CFAP210: variants seen among roughly 807,000 people sequenced by gnomAD.
CFAP210 encodes the protein cilia- and flagella- associated protein 210.
chr2:169,646,191 G>A, the CFAP210 span: 1 of 1,581,472 alleles, frequency 6.3e-7, no homozygotes, highest in Non-Finnish European at 8.6e-7. Context: ...GCCTATTTGG[G>A]AAAGAAAGGA....
the CFAP210 span, among the ~76,000 whole-genome samples, chr2:169,656,686 G>A: frequency 1.1e-4 from 16 of 152,132 alleles, no homozygotes; most frequent in South Asian, 6.2e-4. Flanking sequence ...AGAGTAGACC[G>A]GGCGTGGTGA....
At chr2:169,660,896 C>G in the CFAP210 span, 30,703 of 380,598 alleles carry the variant, frequency 0.081, 1,806 homozygotes, top group East Asian at 0.19. Context: ...AGCCACTACG[C>G]CTGGCCTGAT....
At chr2:169,657,300 G>C in the CFAP210 span, among the ~76,000 whole-genome samples, 1 of 152,052 alleles carries the variant, frequency 6.6e-6, no homozygotes, top group Non-Finnish European at 1.5e-5. Flanking sequence ...CAGAATAAAA[G>C]CATCAACTGA....
chr2:169,651,565 G>A, the CFAP210 span, among the ~76,000 whole-genome samples: 1 of 151,724 alleles, frequency 6.6e-6, no homozygotes, highest in African/African-American at 2.4e-5. Context: ...CATGTACCCA[G>A]GCTGGTCTTG....
the CFAP210 span, among the ~76,000 whole-genome samples, chr2:169,659,680 T>C: frequency 6.6e-6 from 1 of 152,200 alleles, no homozygotes; most frequent in Non-Finnish European, 1.5e-5. Flanking sequence ...CATATCATTC[T>C]GCTCTTAACC....
the CFAP210 span, among the ~76,000 whole-genome samples, chr2:169,661,807 T>C: frequency 5.9e-5 from 9 of 152,356 alleles, no homozygotes; most frequent in East Asian, 1.7e-3. Flanking sequence ...TACTCCACTT[T>C]TTTTTAAATA....
At chr2:169,654,549 A>T in the CFAP210 span, among the ~76,000 whole-genome samples, 5 of 152,228 alleles carry the variant, frequency 3.3e-5, no homozygotes, top group Admixed American at 3.3e-4. Context: ...GGGGGAAAGC[A>T]GAATATGTAA....
chr2:169,649,125 G>T, the CFAP210 span: 1 of 1,424,500 alleles, frequency 7.0e-7, no homozygotes, highest in South Asian at 1.5e-5. Context: ...AAACTAGCAT[G>T]AATTCTGTAT....
the CFAP210 span, among the ~76,000 whole-genome samples, chr2:169,663,273 CTT>C: frequency 5.3e-4 from 78 of 145,882 alleles, no homozygotes; most frequent in Non-Finnish European, 5.9e-4. Context: ...CCCTCTCTCT[CTT>C]TTTTTTTTTT....
chr2:169,648,486 A>G, the CFAP210 span, among the ~76,000 whole-genome samples: 2 of 152,220 alleles, frequency 1.3e-5, no homozygotes, highest in Admixed American at 6.5e-5. Flanking sequence ...AATCAATTTT[A>G]AAAAACTCAG....
the CFAP210 span, among the ~76,000 whole-genome samples, chr2:169,690,883 TG>T: frequency 3.3e-5 from 5 of 152,192 alleles, no homozygotes; most frequent in Non-Finnish European, 5.9e-5. Flanking sequence ...TTGATCTCTT[TG>T]AGTTGAGTTT....
the CFAP210 span, chr2:169,650,359 T>C: frequency 6.3e-7 from 1 of 1,596,398 alleles, no homozygotes; most frequent in Non-Finnish European, 8.5e-7. Context: ...CAATTGTTTT[T>C]AATTCTGCTT....
the CFAP210 span, among the ~76,000 whole-genome samples, chr2:169,665,941 T>C: frequency 6.6e-6 from 1 of 152,022 alleles, no homozygotes; most frequent in Non-Finnish European, 1.5e-5. Context: ...TTACCCAGGA[T>C]GGTCTTTGAA....
chr2:169,648,978 A>G, the CFAP210 span, among the ~76,000 whole-genome samples: 3 of 152,226 alleles, frequency 2.0e-5, no homozygotes, highest in African/African-American at 7.2e-5. Context: ...AGAAGGATAA[A>G]CATTCATTTA....
chr2:169,680,913 A>G, the CFAP210 span: 1 of 1,025,816 alleles, frequency 9.7e-7, no homozygotes, highest in Non-Finnish European at 1.4e-6. Flanking sequence ...ATGAAATTTT[A>G]CATGTAAAAA....
chr2:169,694,187 G>C, the CFAP210 span: 2 of 1,441,290 alleles, frequency 1.4e-6, no homozygotes, highest in Admixed American at 3.4e-5. Context: ...GCCCTCATTC[G>C]GCATCCTCGC....
At chr2:169,660,857 C>A in the CFAP210 span, 5 of 291,032 alleles carry the variant, frequency 1.7e-5, no homozygotes, top group South Asian at 3.3e-5. Flanking sequence ...CCTGCCTTAG[C>A]CTCCCAAAGT....
At chr2:169,669,247 C>T in the CFAP210 span, among the ~76,000 whole-genome samples, 40,848 of 151,768 alleles carry the variant, frequency 0.27, 5,723 homozygotes, top group Non-Finnish European at 0.31. Flanking sequence ...TGTTCGAGGC[C>T]CTGGAAGATC....
the CFAP210 span, among the ~76,000 whole-genome samples, chr2:169,692,046 G>A: frequency 1.3e-5 from 2 of 152,174 alleles, no homozygotes; most frequent in African/African-American, 4.8e-5. Flanking sequence ...CTTAAACAGA[G>A]TCTCAAGGTA....
Sources: gnomAD v4.1 joint callset for allele counts (sites outside exome capture counted in the v4.1 genomes callset) on GRCh38, gnomAD v4.1.1 for gene constraint, MANE v1.5 for transcripts, NCBI Gene and HGNC (gene_info 2026-07-23, HGNC 2026-07-21) for gene names.